Variants in FSTL4 observed in about 807,000 individuals in gnomAD.
FSTL4 encodes the protein follistatin like 4.
A neutral mutation model predicts 78.2 loss-of-function variants in FSTL4; 28 were observed. The ratio of observed to expected loss-of-function variants is 0.36; its 90% CI spans 0.27 to 0.49. The LOEUF is 0.49. FSTL4 is among the 20% of genes least tolerant of loss of function. The probability of loss-of-function intolerance (pLI) is 0.98; values close to 1 mark genes in which losing one functional copy is unlikely to be tolerated. For synonymous variants in FSTL4, 422 were observed against 440.5 expected (o/e 0.96, Z 0.53); for missense variants, 922 against 1,084.9 (o/e 0.85, Z 2.11).
intron 3 of FSTL4, among the ~76,000 whole-genome samples, chr5:133,445,433 G>C (rs1757243728): frequency 6.6e-6 from 1 of 151,976 alleles, no homozygotes; most frequent in African/African-American, 2.4e-5. Context: ...CAGGGAGTGT[G>C]GGTCTGGCCT....
At chr5:133,607,991 C>T (rs1761011768) in intron 1 of FSTL4, among the ~76,000 whole-genome samples, 1 of 152,156 alleles carries the variant, frequency 6.6e-6, no homozygotes, top group African/African-American at 2.4e-5. Context: ...CGGAGAGCAC[C>T]AGCATCATAA....
At chr5:133,391,874 T>C (rs1580673738) in intron 4 of FSTL4, among the ~76,000 whole-genome samples, 2 of 152,204 alleles carry the variant, frequency 1.3e-5, no homozygotes, top group African/African-American at 2.4e-5. Flanking sequence ...TCCATGGCAC[T>C]TGTCACCATC....
At chr5:133,343,248 G>A (rs1217670656) in intron 4 of FSTL4, among the ~76,000 whole-genome samples, 4 of 151,944 alleles carry the variant, frequency 2.6e-5, no homozygotes, top group African/African-American at 7.3e-5. Flanking sequence ...GGAGGACAGA[G>A]GGAGGGTTGA....
At chr5:133,255,215 A>G (rs919557411) in intron 6 of FSTL4, among the ~76,000 whole-genome samples, 11 of 152,188 alleles carry the variant, frequency 7.2e-5, no homozygotes, top group Non-Finnish European at 1.5e-4. Flanking sequence ...ATGTGTCTAC[A>G]CACTGAGGCT....
At chr5:133,839,010 T>A in the FSTL4 span, among the ~76,000 whole-genome samples, 12 of 152,330 alleles carry the variant, frequency 7.9e-5, no homozygotes, top group East Asian at 2.1e-3. Flanking sequence ...AACAAGTCAG[T>A]CTGCCATTTC....
chr5:133,753,998 T>A, the FSTL4 span, among the ~76,000 whole-genome samples: 1 of 152,198 alleles, frequency 6.6e-6, no homozygotes, highest in Non-Finnish European at 1.5e-5. Context: ...AGTGTTAGCA[T>A]AATGACTAAT....
chr5:133,494,729 T>C (rs942486117), intron 3 of FSTL4, among the ~76,000 whole-genome samples: 1 of 152,228 alleles, frequency 6.6e-6, no homozygotes, highest in Non-Finnish European at 1.5e-5. Flanking sequence ...CTGGTTTATG[T>C]GCACATTTAT....
intron 4 of FSTL4, among the ~76,000 whole-genome samples, chr5:133,318,363 G>C (rs531118494): frequency 6.6e-6 from 1 of 152,262 alleles, no homozygotes; most frequent in East Asian, 1.9e-4. Flanking sequence ...AACTTGATGG[G>C]TTTTTCCTTT....
At chr5:133,648,424 G>A in the FSTL4 span, among the ~76,000 whole-genome samples, 1 of 152,148 alleles carries the variant, frequency 6.6e-6, no homozygotes, top group Non-Finnish European at 1.5e-5. Context: ...CACTTGTCAG[G>A]CCCAACCTTT....
At chr5:133,287,379 C>T (rs1033771380) in intron 6 of FSTL4, among the ~76,000 whole-genome samples, 19 of 142,302 alleles carry the variant, frequency 1.3e-4, no homozygotes, top group Middle Eastern at 6.8e-3. Flanking sequence ...CAGAGCGAGA[C>T]TCCATCTCAA....
intron 3 of FSTL4, among the ~76,000 whole-genome samples, chr5:133,512,559 A>G (rs1313911423): frequency 6.6e-6 from 1 of 152,248 alleles, no homozygotes; most frequent in Non-Finnish European, 1.5e-5. Context: ...CATGTCCTTC[A>G]ATTATACTGC....
intron 4 of FSTL4, among the ~76,000 whole-genome samples, chr5:133,348,221 A>C (rs761442916): frequency 2.0e-5 from 3 of 152,254 alleles, no homozygotes; most frequent in Non-Finnish European, 2.9e-5. Flanking sequence ...GATTTGCAGA[A>C]AACAGGCTTT....
the FSTL4 span, among the ~76,000 whole-genome samples, chr5:133,837,560 T>A: frequency 6.8e-6 from 1 of 147,234 alleles, no homozygotes; most frequent in African/African-American, 2.7e-5. Context: ...GCAGTTAGAG[T>A]AGGAAGAGAT....
chr5:133,303,578 G>A (rs1317912175), intron 6 of FSTL4, among the ~76,000 whole-genome samples: 1 of 152,210 alleles, frequency 6.6e-6, no homozygotes, highest in Non-Finnish European at 1.5e-5. Context: ...TCCCGTGTGA[G>A]TGGAGTTCCT....
At chr5:133,211,361 G>C (rs1750706642) in intron 13 of FSTL4, among the ~76,000 whole-genome samples, 1 of 151,982 alleles carries the variant, frequency 6.6e-6, no homozygotes. Context: ...CTACTCACTT[G>C]GTCACTAAGT....
chr5:133,346,223 C>T (rs1222041346), intron 4 of FSTL4, among the ~76,000 whole-genome samples: 2 of 151,976 alleles, frequency 1.3e-5, no homozygotes, highest in African/African-American at 4.8e-5. Flanking sequence ...AGGGGAATAT[C>T]ACACACTGCG....
intron 3 of FSTL4, among the ~76,000 whole-genome samples, chr5:133,434,014 C>A (rs1172272142): frequency 6.6e-6 from 1 of 151,752 alleles, no homozygotes. Flanking sequence ...GGGTTTTAAG[C>A]AGAAGGTAAT....
intron 3 of FSTL4, among the ~76,000 whole-genome samples, chr5:133,547,987 C>T (rs1759617573): frequency 6.6e-6 from 1 of 152,114 alleles, no homozygotes; most frequent in Non-Finnish European, 1.5e-5. Flanking sequence ...CACCTAAGCT[C>T]AGAAGAGTTT....
chr5:133,637,600 T>C, the FSTL4 span, among the ~76,000 whole-genome samples: 7 of 152,146 alleles, frequency 4.6e-5, no homozygotes, highest in Non-Finnish European at 1.0e-4. Context: ...TCTTTCTATC[T>C]CCTTGGCCAC....
Sources: gnomAD v4.1 joint callset for allele counts (sites outside exome capture counted in the v4.1 genomes callset) on GRCh38, gnomAD v4.1.1 for gene constraint, MANE v1.5 for transcripts, NCBI Gene and HGNC (gene_info 2026-07-23, HGNC 2026-07-21) for gene names.